TBC1D15: variants seen among roughly 807,000 people sequenced by gnomAD.
TBC1D15 encodes GAP for RAB7.
A neutral mutation model predicts 95.4 loss-of-function variants in TBC1D15; 39 were observed. The ratio of observed to expected loss-of-function variants is 0.41; its 90% CI spans 0.32 to 0.53. The LOEUF (loss-of-function observed/expected upper bound fraction) is 0.53. Ranked by LOEUF, TBC1D15 falls within the 20% of genes least tolerant of loss-of-function variation. The pLI is 0.29. For synonymous variants in TBC1D15, 258 were observed against 261.3 expected (o/e 0.99, Z 0.12); for missense variants, 733 against 794.3 (o/e 0.92, Z 0.93).
chr12:71,893,949 A>G (rs1897685472), intron 6 of TBC1D15, among the ~76,000 whole-genome samples: 1 of 150,552 alleles, frequency 6.6e-6, no homozygotes, highest in Non-Finnish European at 1.5e-5. Flanking sequence ...AAAGATTAAT[A>G]AGATATAGAG....
Position 71,923,264 on chromosome 12 carries a change from A to G in TBC1D15, c.*60A>G. On this transcript the variant is annotated 3_prime_UTR_variant, in exon 17 of 17. Transcript: ENST00000485960. ...GTTGCAACCCTTTTTCAAGTACTTG[A>G]AAGTTGAAAATTTGAAATCTTGGTA... 1.3e-6 allele frequency: 2 copies of G among 1,540,788 alleles called. No individual in the cohort carries two copies. Among genetic ancestry groups the G allele is most frequent in the African/African-American group, 2.7e-5 (2 of 73,262 alleles).
chr12:71,923,266 A>AAAGG lies in TBC1D15; in HGVS notation c.*62_*63insAAGG. 6.5e-7 allele frequency: 1 copy of AAAGG among 1,541,032 alleles called. No homozygotes were observed. Among genetic ancestry groups the AAAGG allele is most frequent in the Non-Finnish European group, 8.9e-7 (1 of 1,121,870 alleles). ...TGCAACCCTTTTTCAAGTACTTGAA[A>AAAGG]GTTGAAAATTTGAAATCTTGGTATT... On this transcript the variant is annotated 3_prime_UTR_variant, in exon 17 of 17. Transcript: ENST00000485960.
chr12:71,895,153 G>A (rs569964336), intron 7 of TBC1D15, among the ~76,000 whole-genome samples: 2 of 152,066 alleles, frequency 1.3e-5, no homozygotes, highest in East Asian at 3.8e-4. Context: ...ATAGCAGAGT[G>A]AGGAGCGAAC....
At chr12:71,870,188 A>G (rs1592729332) in intron 1 of TBC1D15, among the ~76,000 whole-genome samples, 3 of 152,170 alleles carry the variant, frequency 2.0e-5, no homozygotes, top group African/African-American at 7.2e-5. Context: ...ATCCCAGGAT[A>G]TATTTGATAA....
At chr12:71,841,700 T>C (rs1434263131) in intron 1 of TBC1D15, among the ~76,000 whole-genome samples, 1 of 152,236 alleles carries the variant, frequency 6.6e-6, no homozygotes, top group African/African-American at 2.4e-5. Context: ...GCTTCTATTC[T>C]TGATTTCTTG....
chr12:71,839,855 G>T, intron 1 of TBC1D15, 44 bp downstream of exon 1: 1 of 1,613,332 alleles, frequency 6.2e-7, no homozygotes, highest in Non-Finnish European at 8.5e-7. Context: ...TCTCTGGGAC[G>T]GGGATGCTTT....
rs752467520 is a variant in TBC1D15, at chr12:71,897,649, T to A, written c.1089-198T>A. On this transcript the variant is annotated intron_variant, in intron 9 of 16. Transcript: ENST00000485960. The stretch of plus-strand genomic sequence containing the variant: ...AACAAAGTTTATCACATAAACTTTG[T>A]GATATTTATCGGTTATTTTTTTCTT... 1.3e-4 allele frequency among the ~76,000 whole-genome samples: 20 copies of A among 152,160 alleles called. No individual in the cohort carries two copies. The Middle Eastern group carries it at 0.014, about 104-fold the overall frequency.
chr12:71,859,611 C>CT lies in TBC1D15; in HGVS notation c.31-12454dup, dbSNP rs200429216. ...TGGATCTTACATTTAAGCTTCAATC[C>CT]TTTTTGTTTTTTTTGAGATGGAGTC... On this transcript the variant is annotated intron_variant, in intron 1 of 16. Coordinates refer to ENST00000485960, the MANE Select transcript of TBC1D15 (RefSeq NM_001146213.3). Among the ~76,000 whole-genome samples, 900 of 145,166 alleles carry CT rather than the reference C, an allele frequency of 6.2e-3. 4 individuals carry two copies. The highest frequency in any genetic ancestry group is 0.021 in the African/African-American group (733 of 35,452).
rs113122618 is a variant in TBC1D15, at chr12:71,887,936, T to C, written c.554+2915T>C. Among the ~76,000 whole-genome samples the C allele has an allele frequency of 7.0e-3, 1,067 of 152,336 alleles. 6 individuals are homozygous for C. The highest frequency in any genetic ancestry group is 0.021 in the African/African-American group (893 of 41,568). On this transcript the variant is annotated intron_variant, in intron 5 of 16. Coordinates refer to ENST00000485960, the MANE Select transcript of TBC1D15 (RefSeq NM_001146213.3). ...GCATGATGATTATCAATTTGACAAATAATTTTTGAAAGGTTATTGTGAGAA... is the reference window on the plus strand; with the variant it reads ...GCATGATGATTATCAATTTGACAAACAATTTTTGAAAGGTTATTGTGAGAA...
intron 1 of TBC1D15, among the ~76,000 whole-genome samples, chr12:71,864,093 G>A (rs994530018): frequency 2.6e-5 from 4 of 151,180 alleles, no homozygotes; most frequent in African/African-American, 9.7e-5. Context: ...TTTTGAGACG[G>A]AGTTTCCCTC....
intron 16 of TBC1D15, among the ~76,000 whole-genome samples, chr12:71,922,376 C>T (rs555152738): frequency 5.0e-4 from 76 of 151,556 alleles, no homozygotes; most frequent in African/African-American, 1.8e-3. Flanking sequence ...TGACCCATCA[C>T]GCCCGGCCAT....
intron 8 of TBC1D15, 26 bp from the exon 9 acceptor site, chr12:71,896,651 G>A (rs1566034404): frequency 6.4e-7 from 1 of 1,563,526 alleles, no homozygotes; most frequent in Admixed American, 1.9e-5. Context: ...TTTCATTCAT[G>A]TATTTAATAT....
intron 9 of TBC1D15, 65 bp downstream of exon 9, chr12:71,896,845 T>C (rs1249125720): frequency 4.1e-6 from 5 of 1,226,460 alleles, no homozygotes; most frequent in Admixed American, 4.6e-5. Flanking sequence ...CAAATTAGTA[T>C]AGGGTTTCTA....
chr12:71,843,224 T>G (rs1452741190), intron 1 of TBC1D15, among the ~76,000 whole-genome samples: 1 of 152,180 alleles, frequency 6.6e-6, no homozygotes, highest in East Asian at 1.9e-4. Flanking sequence ...GAGCTGAGAT[T>G]GTGCCACTTG....
At chr12:71,844,602 G>GT (rs1885858527) in intron 1 of TBC1D15, among the ~76,000 whole-genome samples, 1 of 152,164 alleles carries the variant, frequency 6.6e-6, no homozygotes, top group Non-Finnish European at 1.5e-5. Flanking sequence ...GTGGCAGCCT[G>GT]TTGGTACAAT....
At position 71,880,485 on chromosome 12, in the gene TBC1D15, T is replaced by C; in HGVS notation, c.221T>C (p.Val74Ala). Residue 74 changes from valine to alanine, a missense_variant, in exon 4 of 17, where the codon GTA becomes GCA. Physicochemically the swap from Val to Ala is moderately conservative, Grantham distance 64. Transcript: ENST00000485960. ...LYARKDSSSV[V>A]EWTQAPKERG... Reference sequence around the variant, plus strand: ...TTATTTTAGGACTCCAGTTCAGTTGTAGAATGGACTCAGGCCCCAAAAGAA... The same window carrying C: ...TTATTTTAGGACTCCAGTTCAGTTGCAGAATGGACTCAGGCCCCAAAAGAA... The C allele has an allele frequency of 6.3e-7, 1 of 1,599,042 alleles. No individual in the cohort carries two copies. The highest frequency in any genetic ancestry group is 8.5e-7 in the Non-Finnish European group (1 of 1,171,650).
Position 71,924,021 on chromosome 12 carries a change from A to G in TBC1D15, c.*817A>G, listed in dbSNP as rs1325419358. On this transcript the variant is annotated 3_prime_UTR_variant, in exon 17 of 17. Transcript: ENST00000485960. ...TGTACCTGGTGTAATTTTAAAATTA[A>G]TTGCTTGTAACCTCACTTTACTAAT... 6.6e-6 allele frequency: 1 copy of G among 152,592 alleles called. No individual in the cohort carries two copies. The highest frequency in any genetic ancestry group is 1.5e-5 in the Non-Finnish European group (1 of 68,012). 9.5% of individuals were successfully genotyped at this position (152,592 alleles called of 1,614,324 possible).
At chr12:71,888,536 C>T (rs1014349233) in intron 5 of TBC1D15, among the ~76,000 whole-genome samples, 2 of 151,560 alleles carry the variant, frequency 1.3e-5, no homozygotes, top group Non-Finnish European at 2.9e-5. Context: ...AGACATATGA[C>T]ATTATAATAA....
chr12:71,921,861 C>T (rs565104464), intron 16 of TBC1D15, among the ~76,000 whole-genome samples: 2 of 152,222 alleles, frequency 1.3e-5, no homozygotes, highest in South Asian at 2.1e-4. Context: ...TTATATTAGT[C>T]AAGTTATTAA....
Sources: allele counts gnomAD v4.1 joint callset (sites outside exome capture counted in the v4.1 genomes callset), GRCh38; gene constraint gnomAD v4.1.1; transcripts MANE v1.5; gene names NCBI Gene and HGNC (gene_info 2026-07-23, HGNC 2026-07-21).